DAB1: variants seen among roughly 807,000 people sequenced by gnomAD.
The protein encoded by DAB1 is DAB adaptor protein 1, also known as disabled homolog 1.
Under a neutral mutation model 64.6 loss-of-function variants are expected in DAB1, and 15 were observed. The observed-to-expected ratio is 0.23, with a 90% CI of 0.16 to 0.36. The LOEUF (loss-of-function observed/expected upper bound fraction) is 0.36. DAB1 is among the 10% of genes least tolerant of loss of function. The probability of loss-of-function intolerance (pLI) is 1.00; values close to 1 mark genes in which losing one functional copy is unlikely to be tolerated. For missense variants in DAB1, 596 were observed against 706.7 expected, an observed-to-expected ratio of 0.84 and a Z score of 1.78; for synonymous variants, 235 against 251.9, an observed-to-expected ratio of 0.93 and a Z score of 0.64.
At chr1:57,305,832 G>A (rs189400573) in intron 1 of DAB1, among the ~76,000 whole-genome samples, 4 of 151,798 alleles carry the variant, frequency 2.6e-5, no homozygotes, top group Non-Finnish European at 4.4e-5. Flanking sequence ...AGCCGGGCGC[G>A]GTTACGGGTG....
At chr1:58,088,030 T>C (rs1288166904) in intron 5 of DAB1, among the ~76,000 whole-genome samples, 4 of 152,236 alleles carry the variant, frequency 2.6e-5, no homozygotes, top group Non-Finnish European at 4.4e-5. Context: ...TCCTCCATGG[T>C]TCTCCCAGCA....
chr1:57,200,808 C>G (rs1004169304), intron 2 of DAB1, among the ~76,000 whole-genome samples: 1 of 152,166 alleles, frequency 6.6e-6, no homozygotes, highest in Non-Finnish European at 1.5e-5. Flanking sequence ...TAATAAAGTA[C>G]TTTCCAATTT....
chr1:57,245,526 G>C (rs1245823677), intron 2 of DAB1, among the ~76,000 whole-genome samples: 1 of 152,088 alleles, frequency 6.6e-6, no homozygotes, highest in African/African-American at 2.4e-5. Flanking sequence ...GTGAGAACTT[G>C]TGGTGTTTGG....
chr1:57,768,971 T>C (rs910730713), intron 6 of DAB1, among the ~76,000 whole-genome samples: 1 of 152,166 alleles, frequency 6.6e-6, no homozygotes, highest in Non-Finnish European at 1.5e-5. Flanking sequence ...CTCTCTTCCC[T>C]GCCTCTTCTT....
At chr1:57,901,354 G>A (rs1394901866) in intron 5 of DAB1, among the ~76,000 whole-genome samples, 3 of 152,074 alleles carry the variant, frequency 2.0e-5, no homozygotes, top group South Asian at 2.1e-4. Flanking sequence ...GTTCATTAGC[G>A]AGCTCCCCCT....
intron 14 of DAB1, among the ~76,000 whole-genome samples, chr1:57,007,637 T>C (rs895707408): frequency 2.6e-5 from 4 of 152,210 alleles, no homozygotes; most frequent in African/African-American, 4.8e-5. Context: ...TACTATGGTG[T>C]GATATGGCTT....
At chr1:57,269,709 C>T (rs567340578) in intron 2 of DAB1, among the ~76,000 whole-genome samples, 9 of 152,284 alleles carry the variant, frequency 5.9e-5, no homozygotes, top group Non-Finnish European at 1.3e-4. Flanking sequence ...ACTTGCTTAA[C>T]TCTTTTTCTC....
intron 6 of DAB1, among the ~76,000 whole-genome samples, chr1:57,663,775 T>C (rs1646415084): frequency 6.6e-6 from 1 of 152,178 alleles, no homozygotes; most frequent in Non-Finnish European, 1.5e-5. Flanking sequence ...TAATATTACA[T>C]TCTTCTGGTT....
chr1:58,496,539 T>C (rs1464968222), intron 3 of DAB1, among the ~76,000 whole-genome samples: 1 of 152,196 alleles, frequency 6.6e-6, no homozygotes, highest in Non-Finnish European at 1.5e-5. Flanking sequence ...CTTATCTCAC[T>C]GGGGAACAAT....
intron 4 of DAB1, among the ~76,000 whole-genome samples, chr1:57,109,587 A>ATTG (rs1655475190): frequency 1.1e-4 from 1 of 9,260 alleles, no homozygotes; most frequent in South Asian, 7.1e-3. Flanking sequence ...CAACACTGCA[A>ATTG]TTATTACCAC....
chr1:58,463,906 A>C (rs902972343), intron 3 of DAB1, among the ~76,000 whole-genome samples: 4 of 152,234 alleles, frequency 2.6e-5, no homozygotes, highest in Non-Finnish European at 4.4e-5. Flanking sequence ...TGGGTCTCCA[A>C]GATTGTGGGT....
In DAB1 at chr1:57,316,830, C is replaced by G. The variant is rs540981019; in HGVS notation, c.-136-25664G>C. On this transcript the variant is annotated intron_variant, in intron 1 of 14. Coordinates refer to ENST00000371236, the MANE Select transcript of DAB1 (RefSeq NM_001365792.1). ...GACATTCAGATTCTGAGGTAACAGG[C>G]AAATATGTGCTGTGGCAGCCATCTT... 2.6e-4 allele frequency among the ~76,000 whole-genome samples: 39 copies of G among 152,216 alleles called. 1 individual carries two copies. The highest frequency in any genetic ancestry group is 5.9e-5 in the Non-Finnish European group (4 of 68,016).
chr1:57,912,920 A>G (rs1211076795), intron 5 of DAB1, among the ~76,000 whole-genome samples: 9 of 152,286 alleles, frequency 5.9e-5, no homozygotes, highest in South Asian at 2.1e-4. Flanking sequence ...AGAACTACAA[A>G]CCACTGCTCA....
intron 1 of DAB1, among the ~76,000 whole-genome samples, chr1:57,873,088 G>A (rs1643981201): frequency 6.6e-6 from 1 of 152,102 alleles, no homozygotes; most frequent in Non-Finnish European, 1.5e-5. Flanking sequence ...AGATTCCTAA[G>A]TAAAGGAATC....
At chr1:57,250,294 C>T (rs1315649707) in intron 2 of DAB1, among the ~76,000 whole-genome samples, 1 of 152,134 alleles carries the variant, frequency 6.6e-6, no homozygotes, top group Non-Finnish European at 1.5e-5. Context: ...GTACGCCAAT[C>T]TGTCTATGTC....
intron 4 of DAB1, among the ~76,000 whole-genome samples, chr1:58,218,156 A>G (rs1658954943): frequency 6.6e-6 from 1 of 152,126 alleles, no homozygotes; most frequent in South Asian, 2.1e-4. Context: ...AGGGGGACAG[A>G]GAGAAAGGCT....
intron 3 of DAB1, among the ~76,000 whole-genome samples, chr1:58,453,316 A>T (rs1335132358): frequency 6.6e-6 from 1 of 152,136 alleles, no homozygotes; most frequent in Non-Finnish European, 1.5e-5. Flanking sequence ...AGTGTCACTA[A>T]TCTATACATG....
At chr1:57,528,493 C>T (rs1349008741) in intron 7 of DAB1, among the ~76,000 whole-genome samples, 1 of 151,848 alleles carries the variant, frequency 6.6e-6, no homozygotes, top group Admixed American at 6.6e-5. Flanking sequence ...TTAGCTGAAG[C>T]ATTTTCCAAA....
At chr1:57,985,285 T>C (rs1258703829) in intron 5 of DAB1, among the ~76,000 whole-genome samples, 12 of 152,174 alleles carry the variant, frequency 7.9e-5, no homozygotes, top group African/African-American at 2.9e-4. Flanking sequence ...CATATTACAA[T>C]TTTTCTATGT....
Sources: allele counts gnomAD v4.1 joint callset (sites outside exome capture counted in the v4.1 genomes callset), GRCh38; gene constraint gnomAD v4.1.1; transcripts MANE v1.5; gene names NCBI Gene and HGNC (gene_info 2026-07-23, HGNC 2026-07-21).